Variants in FRYL observed in about 807,000 individuals in gnomAD.
The protein encoded by FRYL is protein furry homolog-like.
A neutral mutation model predicts 351.2 loss-of-function variants in FRYL; 150 were observed. That is an observed-to-expected ratio of 0.43 (90% confidence interval 0.37 to 0.49). The LOEUF is 0.49. Ranked by LOEUF, FRYL falls within the 20% of genes least tolerant of loss-of-function variation. FRYL has a pLI of 0.00. For missense variants in FRYL, 3,036 were observed against 3,619.3 expected (o/e 0.84, Z 4.13); for synonymous variants, 1,153 against 1,257.1 (o/e 0.92, Z 1.75).
At chr4:48,564,547 T>C (rs1422784980) in intron 30 of FRYL, among the ~76,000 whole-genome samples, 1 of 152,020 alleles carries the variant, frequency 6.6e-6, no homozygotes, top group Admixed American at 6.6e-5. Flanking sequence ...GAAGGCAGAG[T>C]GTGGAGGGCA....
intron 1 of FRYL, among the ~76,000 whole-genome samples, chr4:48,778,645 C>CA (rs1776282071): frequency 6.6e-6 from 1 of 152,200 alleles, no homozygotes; most frequent in African/African-American, 2.4e-5. Flanking sequence ...CAAGTATTGA[C>CA]AGATTAAGCA....
chr4:48,527,001 G>A (rs994373003), intron 53 of FRYL, among the ~76,000 whole-genome samples: 7 of 152,134 alleles, frequency 4.6e-5, no homozygotes, highest in Admixed American at 1.3e-4. Context: ...TGGTAAGTGT[G>A]TATATGAGTA....
chr4:48,610,447 A>C (rs1199279508), intron 7 of FRYL, among the ~76,000 whole-genome samples: 1 of 151,722 alleles, frequency 6.6e-6, no homozygotes, highest in Admixed American at 6.6e-5. Flanking sequence ...ACTTTTTCCT[A>C]CACATCCTCA....
intron 3 of FRYL, among the ~76,000 whole-genome samples, chr4:48,660,667 T>G (rs1257671652): frequency 6.6e-6 from 1 of 152,180 alleles, no homozygotes; most frequent in Non-Finnish European, 1.5e-5. Flanking sequence ...TGGAGAAACC[T>G]GACAAACACT....
chr4:48,566,324 T>C (rs532675622), intron 28 of FRYL, among the ~76,000 whole-genome samples: 162 of 152,284 alleles, frequency 1.1e-3, no homozygotes, highest in African/African-American at 3.6e-3. Flanking sequence ...AGGATTTTTT[T>C]CCCCCATTTT....
chr4:48,564,863 C>A, intron 30 of FRYL, 70 bp downstream of exon 30: 3 of 767,478 alleles, frequency 3.9e-6, no homozygotes, highest in South Asian at 2.1e-5. Context: ...GTTTTTAGTG[C>A]AACATACATT....
chr4:48,663,798 G>C (rs1313037256), intron 3 of FRYL, among the ~76,000 whole-genome samples: 1 of 86,460 alleles, frequency 1.2e-5, no homozygotes, highest in Non-Finnish European at 2.4e-5. Context: ...AAAAAAAAAA[G>C]AGATCCCCTT....
intron 36 of FRYL, 91 bp downstream of exon 36, chr4:48,553,123 TG>T: frequency 1.2e-6 from 1 of 861,616 alleles, no homozygotes; most frequent in Non-Finnish European, 1.8e-6. Flanking sequence ...TAACATGTTA[TG>T]GGACATAGAG....
chr4:48,504,680 C>T (rs1013933253), intron 60 of FRYL, among the ~76,000 whole-genome samples: 1 of 152,056 alleles, frequency 6.6e-6, no homozygotes, highest in African/African-American at 2.4e-5. Flanking sequence ...ATCTCTGAAC[C>T]TCAGTTTCCT....
chr4:48,612,275 T>A (rs1748359543), intron 7 of FRYL, among the ~76,000 whole-genome samples: 1 of 152,216 alleles, frequency 6.6e-6, no homozygotes, highest in South Asian at 2.1e-4. Context: ...GATCTTTGCA[T>A]ATTTTCTTCG....
intron 47 of FRYL, among the ~76,000 whole-genome samples, chr4:48,536,072 A>G (rs945497512): frequency 1.3e-5 from 2 of 152,240 alleles, no homozygotes; most frequent in Non-Finnish European, 2.9e-5. Flanking sequence ...GGCCTTCTTC[A>G]GTCTGAAGAT....
intron 14 of FRYL, 87 bp downstream of exon 14, chr4:48,595,810 A>T (rs1744472477): frequency 5.4e-6 from 6 of 1,111,354 alleles, no homozygotes; most frequent in Non-Finnish European, 7.8e-6. Flanking sequence ...CCACCCACAA[A>T]GTATAATGTT....
chr4:48,716,972 G>T (rs1328961768), intron 1 of FRYL, among the ~76,000 whole-genome samples: 2 of 150,984 alleles, frequency 1.3e-5, no homozygotes, highest in Admixed American at 1.3e-4. Context: ...GTCCTTTGTA[G>T]GGACATGGAT....
chr4:48,565,195 G>A (rs748493799), intron 29 of FRYL, 152 bp from the exon 30 acceptor site: 71 of 509,956 alleles, frequency 1.4e-4, no homozygotes, highest in Non-Finnish European at 2.1e-4. Flanking sequence ...TTTATTATGA[G>A]TAAGTAAATA....
In FRYL at chr4:48,557,093, T is replaced by A. The variant is rs201807581; in HGVS notation, c.4151A>T (p.Glu1384Val). The change falls in exon 35 of 64, where the codon GAG (glutamate) becomes GTG (valine). Residue 1384 changes from glutamate (E) to valine (V), a missense_variant. Physicochemically the swap from Glu to Val is moderately radical, Grantham distance 121 (BLOSUM62 -2). Transcript: ENST00000358350. ...AAGTGTGGTCCACACATTCTCCACCTCCGACCAGGCCAGTTCATCGCCATA... is the reference window on the plus strand; with the variant it reads ...AAGTGTGGTCCACACATTCTCCACCACCGACCAGGCCAGTTCATCGCCATA... ...AKYGDELAWSEVENVWTTLAD... is the reference protein window; with the variant it reads ...AKYGDELAWSVVENVWTTLAD... The A allele has an allele frequency of 6.2e-7, 1 of 1,603,450 alleles. No individual in the cohort carries two copies. The highest frequency in any genetic ancestry group is 8.5e-7 in the Non-Finnish European group (1 of 1,174,856).
chr4:48,520,222 A>AC (rs1173053750), intron 55 of FRYL, among the ~76,000 whole-genome samples: 2 of 152,194 alleles, frequency 1.3e-5, no homozygotes, highest in East Asian at 3.8e-4. Flanking sequence ...GAGCATTTTA[A>AC]AGATGGCTTG....
At chr4:48,594,166 C>G in intron 15 of FRYL, 150 bp from the exon 16 acceptor site, 1 of 423,692 alleles carries the variant, frequency 2.4e-6, no homozygotes. Context: ...GAATTAAGGT[C>G]AAAATACATG....
chr4:48,767,019 A>G (rs1422959428), intron 1 of FRYL, among the ~76,000 whole-genome samples: 1 of 147,766 alleles, frequency 6.8e-6, no homozygotes. Context: ...TATATATTAT[A>G]TATAAAATAT....
At chr4:48,669,260 G>A (rs183891843) in intron 3 of FRYL, among the ~76,000 whole-genome samples, 13 of 152,284 alleles carry the variant, frequency 8.5e-5, no homozygotes, top group Admixed American at 7.8e-4. Flanking sequence ...TCATCCACCA[G>A]GAAGGTGCAG....
Sources: gnomAD v4.1 joint callset for allele counts (sites outside exome capture counted in the v4.1 genomes callset) on GRCh38, gnomAD v4.1.1 for gene constraint, MANE v1.5 for transcripts, NCBI Gene and HGNC (gene_info 2026-07-23, HGNC 2026-07-21) for gene names.